Variants in ZNF385D observed in about 807,000 individuals in gnomAD.
ZNF385D encodes zinc finger protein 385D, also known as zinc finger protein 659.
ZNF385D carries 15 observed loss-of-function variants against 35.8 expected under a neutral mutation model. The observed-to-expected ratio is 0.42, with a 90% CI of 0.28 to 0.64. ZNF385D has a LOEUF of 0.64. ZNF385D is among the 30% of genes least tolerant of loss of function. ZNF385D has a pLI of 0.23. For synonymous variants in ZNF385D, 212 were observed against 186.8 expected (o/e 1.13, Z -1.10); for missense variants, 474 against 494.6 (o/e 0.96, Z 0.39).
chr3:22,039,490 T>A (rs746022738), intron 3 of ZNF385D, among the ~76,000 whole-genome samples: 4 of 152,126 alleles, frequency 2.6e-5, no homozygotes, highest in African/African-American at 9.7e-5. Flanking sequence ...TTTTTCATCA[T>A]TCTCTCTTTA....
intron 3 of ZNF385D, among the ~76,000 whole-genome samples, chr3:22,081,539 C>G (rs954076620): frequency 1.2e-4 from 18 of 152,142 alleles, no homozygotes; most frequent in Admixed American, 2.6e-4. Flanking sequence ...TTTCCTCTTC[C>G]TCATGAGCAC....
At chr3:21,490,495 C>T (rs1705353066) in intron 4 of ZNF385D, among the ~76,000 whole-genome samples, 1 of 152,158 alleles carries the variant, frequency 6.6e-6, no homozygotes, top group African/African-American at 2.4e-5. Flanking sequence ...TTATGCCTGT[C>T]TCAACCAATA....
chr3:22,244,970 C>A (rs748931297), intron 2 of ZNF385D, among the ~76,000 whole-genome samples: 18 of 152,034 alleles, frequency 1.2e-4, no homozygotes, highest in Non-Finnish European at 2.4e-4. Context: ...TAGCCTGGTT[C>A]CAAATGGCCT....
At chr3:22,024,660 T>C (rs879533691) in intron 3 of ZNF385D, among the ~76,000 whole-genome samples, 4 of 152,148 alleles carry the variant, frequency 2.6e-5, no homozygotes, top group African/African-American at 4.8e-5. Context: ...ATGAACTGTT[T>C]AGAGAGTTAT....
intron 3 of ZNF385D, among the ~76,000 whole-genome samples, chr3:22,075,224 C>T (rs1000002109): frequency 1.3e-5 from 2 of 151,744 alleles, no homozygotes; most frequent in African/African-American, 4.8e-5. Context: ...TGATCTCATT[C>T]CCACCAGTAG....
intron 2 of ZNF385D, among the ~76,000 whole-genome samples, chr3:21,580,730 G>T (rs2063631560): frequency 6.6e-6 from 1 of 151,220 alleles, no homozygotes; most frequent in Non-Finnish European, 1.5e-5. Flanking sequence ...GAATATCCTT[G>T]TTTTTATGTT....
chr3:22,290,418 A>T (rs1432350205), intron 2 of ZNF385D, among the ~76,000 whole-genome samples: 1 of 152,104 alleles, frequency 6.6e-6, no homozygotes. Context: ...TTTTCCTCTC[A>T]TTGAGAAATG....
At chr3:21,909,250 G>A (rs1228087050) in intron 3 of ZNF385D, among the ~76,000 whole-genome samples, 1 of 152,038 alleles carries the variant, frequency 6.6e-6, no homozygotes, top group Non-Finnish European at 1.5e-5. Flanking sequence ...GGAACCAGTT[G>A]ACAGAACTCT....
chr3:21,520,289 A>G (rs1022256304), intron 3 of ZNF385D, among the ~76,000 whole-genome samples: 11 of 152,172 alleles, frequency 7.2e-5, no homozygotes, highest in Admixed American at 6.5e-5. Flanking sequence ...CCTAACAGAG[A>G]GTGGATCTCA....
At chr3:21,978,652 T>C (rs1430028377) in intron 3 of ZNF385D, among the ~76,000 whole-genome samples, 1 of 152,228 alleles carries the variant, frequency 6.6e-6, no homozygotes, top group Admixed American at 6.5e-5. Context: ...ATTACTCTTT[T>C]ATGAGTACAA....
At chr3:22,021,662 AT>A (rs1292489086) in intron 3 of ZNF385D, among the ~76,000 whole-genome samples, 1 of 152,054 alleles carries the variant, frequency 6.6e-6, no homozygotes, top group African/African-American at 2.4e-5. Context: ...AGCAGAAAAA[AT>A]TTTTTTGAGA....
At chr3:21,438,239 C>T (rs1265136545) in intron 4 of ZNF385D, among the ~76,000 whole-genome samples, 4 of 152,104 alleles carry the variant, frequency 2.6e-5, no homozygotes, top group Non-Finnish European at 5.9e-5. Context: ...TTTTTTGCCT[C>T]TCAGCTAGTT....
chr3:22,107,293 G>A (rs1299208092), intron 3 of ZNF385D, among the ~76,000 whole-genome samples: 1 of 151,940 alleles, frequency 6.6e-6, no homozygotes, highest in Admixed American at 6.6e-5. Flanking sequence ...AAAGTGCTGG[G>A]ATTACAGGCA....
At chr3:21,941,285 A>T (rs1353181903) in intron 3 of ZNF385D, among the ~76,000 whole-genome samples, 1 of 151,966 alleles carries the variant, frequency 6.6e-6, no homozygotes, top group African/African-American at 2.4e-5. Context: ...TTTTGTTATT[A>T]TGAGAATACC....
intron 3 of ZNF385D, among the ~76,000 whole-genome samples, chr3:21,963,921 C>T (rs1042828795): frequency 6.6e-6 from 1 of 151,894 alleles, no homozygotes; most frequent in African/African-American, 2.4e-5. Context: ...TTTAGAATGG[C>T]TACTAATATT....
At chr3:22,178,311 T>C (rs926532683) in intron 2 of ZNF385D, among the ~76,000 whole-genome samples, 58 of 152,238 alleles carry the variant, frequency 3.8e-4, no homozygotes, top group Non-Finnish European at 1.8e-4. Context: ...ATTGTGGTTT[T>C]GATTTGCATT....
chr3:21,604,701 G>A (rs1038562195), intron 2 of ZNF385D, among the ~76,000 whole-genome samples: 2 of 152,156 alleles, frequency 1.3e-5, no homozygotes, highest in African/African-American at 2.4e-5. Context: ...GTAGAATAAG[G>A]TGGAAGGAAA....
intron 1 of ZNF385D, among the ~76,000 whole-genome samples, chr3:21,749,148 A>C (rs1368137372): frequency 2.0e-5 from 3 of 152,258 alleles, no homozygotes; most frequent in African/African-American, 7.2e-5. Context: ...CATCTAAAGT[A>C]AGTAGGACAT....
At chr3:21,601,108 T>C (rs1003121175) in intron 2 of ZNF385D, among the ~76,000 whole-genome samples, 2 of 152,220 alleles carry the variant, frequency 1.3e-5, no homozygotes, top group Non-Finnish European at 2.9e-5. Context: ...TTTTTCACTA[T>C]GCATGTGAAT....
Sources: allele counts gnomAD v4.1 joint callset (sites outside exome capture counted in the v4.1 genomes callset), GRCh38; gene constraint gnomAD v4.1.1; transcripts MANE v1.5; gene names NCBI Gene and HGNC (gene_info 2026-07-23, HGNC 2026-07-21).